Variants in MYO18B observed in about 807,000 individuals in gnomAD.
The protein encoded by MYO18B is myosin XVIIIB.
A neutral mutation model predicts 273.0 loss-of-function variants in MYO18B; 204 were observed. The ratio of observed to expected loss-of-function variants is 0.75; its 90% CI spans 0.67 to 0.84. The LOEUF (loss-of-function observed/expected upper bound fraction) is 0.84. Among genes scored for constraint, MYO18B ranks in the 40% least tolerant of loss-of-function variants. MYO18B has a pLI of 0.00. For missense variants in MYO18B, 3,212 were observed against 3,287.6 expected (o/e 0.98, Z 0.56); for synonymous variants, 1,330 against 1,305.7 (o/e 1.02, Z -0.40).
At chr22:25,918,411 T>G (rs2092293380) in intron 33 of MYO18B, among the ~76,000 whole-genome samples, 1 of 152,260 alleles carries the variant, frequency 6.6e-6, no homozygotes, top group Admixed American at 6.5e-5. Context: ...TCATGTAGAT[T>G]TATTAGTTAA....
At chr22:25,889,354 A>C (rs1374354668) in intron 25 of MYO18B, among the ~76,000 whole-genome samples, 1 of 152,124 alleles carries the variant, frequency 6.6e-6, no homozygotes, top group Non-Finnish European at 1.5e-5. Flanking sequence ...TCGCCTCTAA[A>C]TATCAGTCAT....
the MYO18B span, among the ~76,000 whole-genome samples, chr22:26,045,775 C>G: frequency 8.5e-5 from 13 of 152,218 alleles, 1 homozygote. Flanking sequence ...AAGACTGCCA[C>G]CCGCAAATAG....
intron 21 of MYO18B, among the ~76,000 whole-genome samples, chr22:25,862,077 A>G (rs2090753989): frequency 6.6e-6 from 1 of 152,194 alleles, no homozygotes; most frequent in African/African-American, 2.4e-5. Flanking sequence ...ACACAATATA[A>G]TAACTATCTG....
intron 34 of MYO18B, among the ~76,000 whole-genome samples, chr22:25,924,888 T>C (rs191019457): frequency 8.5e-5 from 13 of 152,272 alleles, no homozygotes; most frequent in Non-Finnish European, 4.4e-5. Flanking sequence ...TGATTTGGAA[T>C]TGATGGGATG....
chr22:25,761,203 C>A, intron 2 of MYO18B, 72 bp downstream of exon 2: 1 of 1,540,598 alleles, frequency 6.5e-7, no homozygotes, highest in Non-Finnish European at 8.9e-7. Context: ...ACAAGTCCGA[C>A]CTTTCCCACC....
intron 22 of MYO18B, among the ~76,000 whole-genome samples, chr22:25,868,783 A>T (rs1466723038): frequency 2.0e-5 from 3 of 152,180 alleles, no homozygotes; most frequent in Non-Finnish European, 4.4e-5. Flanking sequence ...GTCATAGCTG[A>T]TGAGCAGCAG....
intron 11 of MYO18B, among the ~76,000 whole-genome samples, chr22:25,793,028 A>G (rs2087748356): frequency 6.6e-6 from 1 of 152,200 alleles, no homozygotes; most frequent in African/African-American, 2.4e-5. Context: ...AGTATGGGGC[A>G]TCAACTTGGG....
At position 25,849,886 on chromosome 22, in the gene MYO18B, C is replaced by T. The variant is rs138078622; in HGVS notation, c.3776-1584C>T. ...TAGCCACTTTTACTATAATTGTCAT[C>T]GCATTTAATCCTCATAGTGACCATG... is the stretch of plus-strand genomic sequence containing the variant. On this transcript the variant is annotated intron_variant, in intron 20 of 43. Coordinates refer to ENST00000335473, the MANE Select transcript of MYO18B (RefSeq NM_032608.7). Among the ~76,000 whole-genome samples, 867 of 152,288 alleles carry T rather than the reference C, an allele frequency of 5.7e-3. 9 individuals carry two copies. The highest frequency in any genetic ancestry group is 0.025 in the South Asian group (121 of 4,824).
At position 25,874,355 on chromosome 22, in the gene MYO18B, G is replaced by A. The variant is rs377101901; in HGVS notation, c.4021G>A (p.Val1341Ile). The change falls in exon 23 of 44, where the codon GTT becomes ATT. Residue 1341 changes from valine (V) to isoleucine (I), a missense_variant. Val to Ile is a conservative substitution (Grantham distance 29). Transcript: ENST00000335473. ...QREKLVSQSI[V>I]LFQAACKGFL... ...AGAGAAGCTGGTATCTCAGAGCATCGTTCTCTTCCAGGCGGCTTGCAAGGG... is the reference window on the plus strand; with the variant it reads ...AGAGAAGCTGGTATCTCAGAGCATCATTCTCTTCCAGGCGGCTTGCAAGGG... 6.0e-5 allele frequency: 97 copies of A among 1,613,858 alleles called. No homozygotes were observed. In the East Asian group the frequency reaches 7.3e-4, roughly 12 times the overall value.
intron 28 of MYO18B, among the ~76,000 whole-genome samples, chr22:25,895,797 T>C (rs1283434215): frequency 6.6e-6 from 1 of 152,196 alleles, no homozygotes; most frequent in Non-Finnish European, 1.5e-5. Flanking sequence ...TCTGTGATCA[T>C]AAAGTATGCT....
At chr22:25,852,437 T>C (rs1163492702) in intron 21 of MYO18B, among the ~76,000 whole-genome samples, 1 of 152,006 alleles carries the variant, frequency 6.6e-6, no homozygotes, top group Non-Finnish European at 1.5e-5. Context: ...AGACCTAACT[T>C]TGTATTGTTG....
chr22:25,749,293 C>G (rs149054714), intron 1 of MYO18B, among the ~76,000 whole-genome samples: 1 of 152,246 alleles, frequency 6.6e-6, no homozygotes, highest in East Asian at 1.9e-4. Flanking sequence ...CATGTTGAAG[C>G]CCTCAGAGAT....
At position 25,769,242 on chromosome 22, in the gene MYO18B, G is replaced by A. The variant is rs1262976261; in HGVS notation, c.1326G>A (p.Gly442=). Residue 442 remains glycine (G), a synonymous_variant, in exon 4 of 44, where the codon GGG becomes GGA. Transcript: ENST00000335473. ...PGKGGWPGSR[G]QEAEEPCSRA... ...AGGGAGGCTGGCCAGGAAGCCGTGGGCAGGAAGCAGAGGAGCCCTGCTCAA... is the reference window on the plus strand; with the variant it reads ...AGGGAGGCTGGCCAGGAAGCCGTGGACAGGAAGCAGAGGAGCCCTGCTCAA... The A allele has an allele frequency of 1.9e-6, 3 of 1,597,572 alleles. No individual in the cohort carries two copies. Among genetic ancestry groups the A allele is most frequent in the Non-Finnish European group, 2.6e-6 (3 of 1,172,410 alleles).
At chr22:25,925,872 T>C (rs1470582380) in intron 34 of MYO18B, among the ~76,000 whole-genome samples, 1 of 119,820 alleles carries the variant, frequency 8.3e-6, no homozygotes, top group Non-Finnish European at 1.6e-5. Flanking sequence ...GCCATTGCAC[T>C]CCAGCATGGG....
chr22:25,861,367 C>T (rs964101597), intron 21 of MYO18B, among the ~76,000 whole-genome samples: 1 of 152,076 alleles, frequency 6.6e-6, no homozygotes, highest in African/African-American at 2.4e-5. Flanking sequence ...GATGGATTAA[C>T]CCTTTGTTGC....
rs6004821 is a variant in MYO18B, at chr22:25,902,462, A to G, written c.4824-151A>G. The stretch of plus-strand genomic sequence containing the variant: ...CATTGAGAAAAACTTCCAACTTCTC[A>G]TACTTTCTCTATCTCTCTTCTTCCT... On this transcript the variant is annotated intron_variant, in intron 29 of 43. Transcript: ENST00000335473. The G allele has an allele frequency of 2.5e-3, 2,274 of 896,150 alleles. 33 individuals are homozygous for G. The African/African-American group carries it at 0.035, about 14-fold the overall frequency. The allele number at this position is 896,150 out of a possible 1,614,324, so 55.5% of individuals were successfully genotyped here.
intron 11 of MYO18B, among the ~76,000 whole-genome samples, chr22:25,790,033 A>G (rs970658213): frequency 1.3e-5 from 2 of 152,082 alleles, no homozygotes; most frequent in Non-Finnish European, 2.9e-5. Context: ...GGTGCCTGTA[A>G]TCTCAGCTAC....
chr22:25,769,312 C>T lies in MYO18B; in HGVS notation c.1396C>T (p.Pro466Ser), dbSNP rs572934696. 16 of 1,579,012 alleles carry T rather than the reference C, an allele frequency of 1.0e-5. No homozygotes were observed. Among genetic ancestry groups the T allele is most frequent in the African/African-American group, 2.7e-5 (2 of 74,138 alleles). Residue 466 changes from proline (P) to serine (S), a missense_variant, in exon 4 of 44, where the codon CCC (proline) becomes TCC (serine). Pro to Ser is a moderately conservative substitution (Grantham distance 74, BLOSUM62 -1). Coordinates refer to ENST00000335473, the MANE Select transcript of MYO18B (RefSeq NM_032608.7). ...TGCCCTGGAGACAGAGCTGGAAGGA[C>T]CCAGCCAGCCTGCTCTGGAGAAGGA... ...AGALETELEG[P>S]SQPALEKDAE... is the part of the protein sequence containing the mutation.
In MYO18B at chr22:26,026,958, C is replaced by T; in HGVS notation, c.6984C>T (p.Cys2328=). 1 of 1,613,912 alleles carries T rather than the reference C, an allele frequency of 6.2e-7. No individual in the cohort carries two copies. The change falls in exon 43 of 44, where the codon TGC becomes TGT. Residue 2328 remains cysteine (C), a synonymous_variant. Transcript: ENST00000335473. ...TCTTGAGGTCCACCAGCCTCAAATGCATCTCTTCAGACGGTGTTGGGGGCA... is the reference window on the plus strand; with the variant it reads ...TCTTGAGGTCCACCAGCCTCAAATGTATCTCTTCAGACGGTGTTGGGGGCA... ...GGLLRSTSLK[C]ISSDGVGGTT... is the part of the protein sequence containing the mutation.
Sources: gnomAD v4.1 joint callset for allele counts (sites outside exome capture counted in the v4.1 genomes callset) on GRCh38, gnomAD v4.1.1 for gene constraint, MANE v1.5 for transcripts, NCBI Gene and HGNC (gene_info 2026-07-23, HGNC 2026-07-21) for gene names.